Variants in SPG11 observed in about 807,000 individuals in gnomAD.
The protein encoded by SPG11 is spatacsin.
Under a neutral mutation model 274.0 loss-of-function variants are expected in SPG11, and 222 were observed. The ratio of observed to expected loss-of-function variants is 0.81; its 90% CI spans 0.73 to 0.91. The LOEUF is 0.91. SPG11 is among the 40% of genes least tolerant of loss of function. The pLI, the probability that SPG11 is intolerant of heterozygous loss-of-function variation, is 0.00. For synonymous variants in SPG11, 1,144 were observed against 1,039.7 expected (o/e 1.10, Z -1.93); for missense variants, 3,114 against 2,872.7 (o/e 1.08, Z -1.92).
intron 17 of SPG11, among the ~76,000 whole-genome samples, chr15:44,611,809 C>T (rs964616622): frequency 7.5e-5 from 9 of 119,480 alleles, no homozygotes; most frequent in African/African-American, 1.6e-4. Flanking sequence ...TGGTCACTGT[C>T]TTTTTTTTTT....
rs958109865 is a variant in SPG11, at chr15:44,651,722, G to T, written c.1225C>A (p.Pro409Thr). ...TGCATTATTTTCCATGATCTTCCTGGATCACTGGTCTTGGCATGATCTTTC... is the reference window on the plus strand; with the variant it reads ...TGCATTATTTTCCATGATCTTCCTGTATCACTGGTCTTGGCATGATCTTTC... ...LQKDHAKTSD[P>T]GRSWKIMHIS... Residue 409 changes from proline to threonine, a missense_variant, in exon 6 of 40, where the codon CCA becomes ACA. Transcript: ENST00000261866. The T allele has an allele frequency of 5.6e-6, 9 of 1,614,168 alleles. No individual in the cohort carries two copies. Among genetic ancestry groups the T allele is most frequent in the Non-Finnish European group, 7.6e-6 (9 of 1,180,042 alleles).
chr15:44,633,661 A>G, intron 7 of SPG11, 24 bp from the exon 8 acceptor site: 1 of 1,609,774 alleles, frequency 6.2e-7, no homozygotes, highest in Admixed American at 1.7e-5. Flanking sequence ...GAAAATAAAA[A>G]TCAGAAAAAA....
In SPG11 at chr15:44,631,310, T is replaced by C. The variant is rs143442366; in HGVS notation, c.1736-1922A>G. Among the ~76,000 whole-genome samples, 675 of 152,278 alleles carry C rather than the reference T, an allele frequency of 4.4e-3. 4 individuals are homozygous for C. The highest frequency in any genetic ancestry group is 0.016 in the African/African-American group (654 of 41,560). ...ATTCTATGTCATCATATTTAGTAAG[T>C]ATATATTATTAACAAGAAAGATGTC... On this transcript the variant is annotated intron_variant, in intron 8 of 39. Transcript: ENST00000261866.
At chr15:44,614,230 A>C (rs543661680) in intron 16 of SPG11, among the ~76,000 whole-genome samples, 1 of 152,184 alleles carries the variant, frequency 6.6e-6, no homozygotes, top group Admixed American at 6.5e-5. Context: ...TGGAACTCCT[A>C]GTCTGTTTTT....
chr15:44,634,258 T>A (rs901331841), intron 7 of SPG11, among the ~76,000 whole-genome samples: 4 of 152,162 alleles, frequency 2.6e-5, no homozygotes, highest in African/African-American at 9.7e-5. Context: ...ACAATTCAGT[T>A]ATATTCTATT....
intron 15 of SPG11, among the ~76,000 whole-genome samples, chr15:44,619,070 A>G (rs2083669004): frequency 6.6e-6 from 1 of 152,240 alleles, no homozygotes; most frequent in Admixed American, 6.5e-5. Context: ...AATATTTACT[A>G]GTAGTAAACA....
chr15:44,579,053 G>A (rs1373049748), intron 30 of SPG11, among the ~76,000 whole-genome samples: 1 of 152,106 alleles, frequency 6.6e-6, no homozygotes, highest in African/African-American at 2.4e-5. Flanking sequence ...AGCTACTCGG[G>A]AGGCTGAGAC....
intron 7 of SPG11, among the ~76,000 whole-genome samples, chr15:44,635,918 A>T (rs1365437859): frequency 5.0e-5 from 7 of 138,868 alleles, no homozygotes; most frequent in South Asian, 2.4e-4. Flanking sequence ...CTCCACCTAT[A>T]AAAAAAAAAA....
chr15:44,633,364 A>T (rs1269169612), intron 8 of SPG11, 141 bp downstream of exon 8: 1 of 304,706 alleles, frequency 3.3e-6, no homozygotes, highest in Non-Finnish European at 5.8e-6. Context: ...AAAAAAAAAG[A>T]AAGTTTCCAA....
chr15:44,653,730 A>T (rs1206349603), intron 4 of SPG11, among the ~76,000 whole-genome samples: 1 of 152,188 alleles, frequency 6.6e-6, no homozygotes. Flanking sequence ...AAGAAGTTGG[A>T]GATACAGTAG....
At chr15:44,662,928 G>A (rs772160744) in intron 1 of SPG11, among the ~76,000 whole-genome samples, 1 of 152,148 alleles carries the variant, frequency 6.6e-6, no homozygotes, top group Non-Finnish European at 1.5e-5. Flanking sequence ...TGAAGAAGAG[G>A]ACTACATGTG....
intron 30 of SPG11, among the ~76,000 whole-genome samples, chr15:44,578,241 A>G (rs867712789): frequency 3.3e-4 from 44 of 134,728 alleles, no homozygotes; most frequent in Middle Eastern, 9.5e-3. Flanking sequence ...TCACTGTGTT[A>G]GCCAGGATGG....
At chr15:44,648,512 CAAAAAAA>C (rs57643988) in intron 7 of SPG11, among the ~76,000 whole-genome samples, 1 of 54,180 alleles carries the variant, frequency 1.8e-5, no homozygotes, top group African/African-American at 5.7e-5. Flanking sequence ...CACCCTGTGT[CAAAAAAA>C]AAAAAAAAAA....
At chr15:44,600,985 T>C (rs2083171300) in intron 20 of SPG11, among the ~76,000 whole-genome samples, 1 of 152,132 alleles carries the variant, frequency 6.6e-6, no homozygotes, top group South Asian at 2.1e-4. Context: ...AAACCCCGTC[T>C]CTACTAAAAA....
intron 18 of SPG11, 72 bp from the exon 19 acceptor site, chr15:44,608,677 A>G: frequency 7.1e-7 from 1 of 1,400,626 alleles, no homozygotes; most frequent in Non-Finnish European, 9.9e-7. Flanking sequence ...TTTTCACAAG[A>G]ACCTTGTGAA....
chr15:44,596,635 C>T, intron 24 of SPG11, 149 bp downstream of exon 24: 1 of 761,504 alleles, frequency 1.3e-6, no homozygotes. Context: ...AAACAAAAGC[C>T]CATGTATCCA....
At position 44,652,097 on chromosome 15, in the gene SPG11, C is replaced by A. The variant is rs370146479; in HGVS notation, c.1007+32G>T. On this transcript the variant is annotated intron_variant, in intron 5 of 39. Coordinates refer to ENST00000261866, the MANE Select transcript of SPG11 (RefSeq NM_025137.4). ...GCGTCAGCATGATAAAAAATAAGAACAATAAACTACATGAAAAGGAAGTTT... is the reference window on the plus strand; with the variant it reads ...GCGTCAGCATGATAAAAAATAAGAAAAATAAACTACATGAAAAGGAAGTTT... 3.7e-6 allele frequency: 6 copies of A among 1,612,994 alleles called. No homozygotes were observed. The African/African-American group carries it at 5.3e-5, about 14-fold the overall frequency.
rs1236824532 is a variant in SPG11 at position 44,659,063 on chromosome 15, C to G, written c.667+16G>C. ...CTCCTCTACGTATCAATCAACACTT[C>G]TACCACCAAGGATACAGATCCAGCC... On this transcript the variant is annotated intron_variant, in intron 3 of 39. Transcript: ENST00000261866. 2 of 1,611,970 alleles carry G rather than the reference C, an allele frequency of 1.2e-6. No individual in the cohort carries two copies. Among genetic ancestry groups the G allele is most frequent in the Non-Finnish European group, 1.7e-6 (2 of 1,178,188 alleles).
In SPG11 at chr15:44,652,269, A is replaced by G; in HGVS notation, c.870-3T>C. 2 of 1,614,012 alleles carry G rather than the reference A, an allele frequency of 1.2e-6. No homozygotes were observed. The highest frequency in any genetic ancestry group is 8.5e-7 in the Non-Finnish European group (1 of 1,179,968). ...ACAGTAGGTGTCCTGGGTGTTGCCTACATTTAAAAATAATGATAGACATAT... is the reference window on the plus strand; with the variant it reads ...ACAGTAGGTGTCCTGGGTGTTGCCTGCATTTAAAAATAATGATAGACATAT... On this transcript the variant is annotated splice_polypyrimidine_tract_variant and splice_region_variant and intron_variant, in intron 4 of 39. Coordinates refer to ENST00000261866, the MANE Select transcript of SPG11 (RefSeq NM_025137.4).
Sources: gnomAD v4.1 joint callset for allele counts (sites outside exome capture counted in the v4.1 genomes callset) on GRCh38, gnomAD v4.1.1 for gene constraint, MANE v1.5 for transcripts, NCBI Gene and HGNC (gene_info 2026-07-23, HGNC 2026-07-21) for gene names.